The following LYPLA1 variants were observed in gnomAD, a reference collection of about 807,000 sequenced individuals.
LYPLA1 encodes acyl-protein thioesterase 1.
Under a neutral mutation model 34.0 loss-of-function variants are expected in LYPLA1, and 17 were observed. The ratio of observed to expected loss-of-function variants is 0.50; its 90% CI spans 0.34 to 0.75. LYPLA1 has a LOEUF of 0.75. Among genes scored for constraint, LYPLA1 ranks in the 30% least tolerant of loss-of-function variants. The probability of loss-of-function intolerance (pLI) is 0.01; values close to 1 mark genes in which losing one functional copy is unlikely to be tolerated. For synonymous variants in LYPLA1, 98 were observed against 100.8 expected (o/e 0.97, Z 0.17); for missense variants, 203 against 288.8 (o/e 0.70, Z 2.15).
chr8:54,072,579 T>C (rs900231886), intron 2 of LYPLA1, among the ~76,000 whole-genome samples: 1 of 151,934 alleles, frequency 6.6e-6, no homozygotes, highest in African/African-American at 2.4e-5. Flanking sequence ...AGCCATTCTT[T>C]TATTCCTTTA....
chr8:54,059,345 C>T lies in LYPLA1; in HGVS notation c.286+2909G>A, dbSNP rs1434703022. Among the ~76,000 whole-genome samples, 5 of 122,604 alleles carry T rather than the reference C, an allele frequency of 4.1e-5. 1 individual carries two copies. Among genetic ancestry groups the T allele is most frequent in the African/African-American group, 2.0e-4 (5 of 24,722 alleles). The allele number at this position is 122,604 out of a possible 152,430, so 80.4% of individuals were successfully genotyped here. On this transcript the variant is annotated intron_variant, in intron 5 of 8. Coordinates refer to ENST00000316963, the MANE Select transcript of LYPLA1 (RefSeq NM_006330.4). ...CGGAGTCTCGCTCTGTTGCCCAGGC[C>T]GGACTGCGGACTGCAGTGGCGCAAT...
At chr8:54,072,196 G>A (rs540392293) in intron 2 of LYPLA1, among the ~76,000 whole-genome samples, 1 of 152,174 alleles carries the variant, frequency 6.6e-6, no homozygotes, top group Non-Finnish European at 1.5e-5. Flanking sequence ...GCAGATGATA[G>A]AAACTGGACC....
chr8:54,082,332 T>C (rs181637246), intron 2 of LYPLA1, among the ~76,000 whole-genome samples: 7 of 152,302 alleles, frequency 4.6e-5, no homozygotes, highest in African/African-American at 1.4e-4. Flanking sequence ...TTTTATTCCT[T>C]ATTACAATTA....
At chr8:54,059,249 G>A (rs537966746) in intron 5 of LYPLA1, among the ~76,000 whole-genome samples, 1 of 150,894 alleles carries the variant, frequency 6.6e-6, no homozygotes, top group East Asian at 1.9e-4. Flanking sequence ...AGTCAGTGTT[G>A]TTGGTTTGAC....
chr8:54,087,413 G>A (rs1023084351), intron 2 of LYPLA1, among the ~76,000 whole-genome samples: 5 of 152,130 alleles, frequency 3.3e-5, no homozygotes, highest in African/African-American at 9.7e-5. Context: ...CAGAAGAATC[G>A]CTGGAACCCA....
chr8:54,073,457 T>G, intron 2 of LYPLA1: 1 of 770,872 alleles, frequency 1.3e-6, no homozygotes, highest in Non-Finnish European at 2.4e-6. Flanking sequence ...CTGGCTGTGA[T>G]GGCCTTGTGA....
intron 2 of LYPLA1, among the ~76,000 whole-genome samples, chr8:54,091,586 AAGGAAG>A (rs1586175164): frequency 2.8e-5 from 2 of 70,674 alleles, no homozygotes; most frequent in East Asian, 5.4e-4. Context: ...AAAGAAAAGG[AAGGAAG>A]GAAGGAAGGA....
In LYPLA1 at chr8:54,059,088, A is replaced by G. The variant is rs556109753; in HGVS notation, c.286+3166T>C. Among the ~76,000 whole-genome samples the G allele has an allele frequency of 5.3e-5, 8 of 152,306 alleles. No individual in the cohort carries two copies. The South Asian group carries it at 1.7e-3, about 32-fold the overall frequency. Reference sequence around the variant, plus strand: ...GACAGAATCTTTCATTCTGGACCTCATGAGGCCCACGTATCTTCTTCACAG... The same window carrying G: ...GACAGAATCTTTCATTCTGGACCTCGTGAGGCCCACGTATCTTCTTCACAG... On this transcript the variant is annotated intron_variant, in intron 5 of 8. Transcript: ENST00000316963.
chr8:54,100,982 C>T (rs889150709), intron 1 of LYPLA1, 43 bp from the exon 2 acceptor site: 6 of 1,523,462 alleles, frequency 3.9e-6, no homozygotes, highest in South Asian at 2.3e-5. Flanking sequence ...CCTAAATAAG[C>T]CCACACAGGA....
intron 2 of LYPLA1, among the ~76,000 whole-genome samples, chr8:54,093,754 T>C (rs1809480820): frequency 6.6e-6 from 1 of 152,222 alleles, no homozygotes; most frequent in African/African-American, 2.4e-5. Flanking sequence ...ATTCTAGCAC[T>C]GGGAATACAG....
chr8:54,073,362 C>G, intron 2 of LYPLA1: 1 of 802,680 alleles, frequency 1.2e-6, no homozygotes, highest in Non-Finnish European at 2.3e-6. Context: ...GGTCTGTGCC[C>G]CATGACACCT....
chr8:54,064,491 C>G (rs1806900235), intron 3 of LYPLA1, among the ~76,000 whole-genome samples: 1 of 152,154 alleles, frequency 6.6e-6, no homozygotes, highest in African/African-American at 2.4e-5. Context: ...GCAACCCTAG[C>G]CACAGTATTC....
chr8:54,085,216 G>T (rs1223274385), intron 2 of LYPLA1, among the ~76,000 whole-genome samples: 1 of 152,238 alleles, frequency 6.6e-6, no homozygotes, highest in African/African-American at 2.4e-5. Context: ...TCCAGCTCCT[G>T]ACCGCGAGTG....
chr8:54,052,298 G>A (rs1380724352), intron 7 of LYPLA1, among the ~76,000 whole-genome samples: 1 of 152,076 alleles, frequency 6.6e-6, no homozygotes, highest in African/African-American at 2.4e-5. Context: ...AGACAGTATA[G>A]CGTACAGAAA....
chr8:54,059,724 C>A (rs2129330526), intron 5 of LYPLA1, among the ~76,000 whole-genome samples: 1 of 152,300 alleles, frequency 6.6e-6, no homozygotes, highest in Middle Eastern at 3.4e-3. Context: ...AGTTTCCCAC[C>A]AGCCTGGACA....
intron 2 of LYPLA1, chr8:54,073,535 C>A (rs1554545046): frequency 3.0e-6 from 2 of 662,956 alleles, no homozygotes; most frequent in Non-Finnish European, 5.6e-6. Flanking sequence ...TCTATGCCAG[C>A]TGGCATCTGC....
Position 54,062,234 on chromosome 8 carries a change from TA to T in LYPLA1, c.286+19del. On this transcript the variant is annotated intron_variant, in intron 5 of 8. Coordinates refer to ENST00000316963, the MANE Select transcript of LYPLA1 (RefSeq NM_006330.4). ...ACATTTAAGAACACTTTTGGCTTTA[TA>T]AACATTTTCTGTACTTACTATTTTC... 6.5e-7 allele frequency: 1 copy of T among 1,536,050 alleles called. No homozygotes were observed. The highest frequency in any genetic ancestry group is 8.9e-7 in the Non-Finnish European group (1 of 1,119,582).
rs539536176 is a variant in LYPLA1 at position 54,062,307 on chromosome 8, A to C, written c.233T>G (p.Leu78Arg). Residue 78 changes from leucine to arginine, a missense_variant, in exon 5 of 9, where the codon CTT (leucine) becomes CGT (arginine). Physicochemically the swap from Leu to Arg is moderately radical, Grantham distance 102. Coordinates refer to ENST00000316963, the MANE Select transcript of LYPLA1 (RefSeq NM_006330.4). ...AMPSWFDIIGLSPDSQEDESG... is the reference protein window; with the variant it reads ...AMPSWFDIIGRSPDSQEDESG... ...TTCATCCTCCTGTGAATCTGGTGAA[A>C]GCCCAATAATATCAAACCTGTAAAA... 6.2e-7 allele frequency: 1 copy of C among 1,606,412 alleles called. No homozygotes were observed. Among genetic ancestry groups the C allele is most frequent in the Non-Finnish European group, 8.5e-7 (1 of 1,177,324 alleles).
rs114729089 is a variant in LYPLA1 at position 54,083,187 on chromosome 8, T to C, written c.102-17374A>G. ...AATACTTAAAAATCAGAGACAGAAA[T>C]TGAAGACACCTCAGATAAAGTAGGT... On this transcript the variant is annotated intron_variant, in intron 2 of 8. Transcript: ENST00000316963. Among the ~76,000 whole-genome samples, 793 of 152,270 alleles carry C rather than the reference T, an allele frequency of 5.2e-3. 5 individuals are homozygous for C. Among genetic ancestry groups the C allele is most frequent in the African/African-American group, 0.018 (757 of 41,546 alleles).
Sources: allele counts gnomAD v4.1 joint callset (sites outside exome capture counted in the v4.1 genomes callset), GRCh38; gene constraint gnomAD v4.1.1; transcripts MANE v1.5; gene names NCBI Gene and HGNC (gene_info 2026-07-23, HGNC 2026-07-21).